WWOX: variants seen among roughly 807,000 people sequenced by gnomAD.
WWOX encodes the protein WW domain-containing oxidoreductase.
WWOX carries 69 observed loss-of-function variants against 46.2 expected under a neutral mutation model. The ratio of observed to expected loss-of-function variants is 1.49; its 90% CI spans 1.23 to 1.82. The LOEUF (loss-of-function observed/expected upper bound fraction) is 1.82. Among genes scored for constraint, WWOX ranks in the 40% most tolerant of loss-of-function variants. The pLI, the probability that WWOX is intolerant of heterozygous loss-of-function variation, is 0.00. For missense variants in WWOX, 919 were observed against 542.6 expected (o/e 1.69, Z -6.89); for synonymous variants, 359 against 202.6 (o/e 1.77, Z -6.56).
chr16:78,830,735 G>A (rs1487496648), intron 8 of WWOX, among the ~76,000 whole-genome samples: 1 of 151,648 alleles, frequency 6.6e-6, no homozygotes, highest in Non-Finnish European at 1.5e-5. Flanking sequence ...CAAGCAGGAC[G>A]GCATCAGCTT....
intron 5 of WWOX, among the ~76,000 whole-genome samples, chr16:78,211,653 C>G (rs980726906): frequency 2.6e-5 from 4 of 152,180 alleles, no homozygotes; most frequent in Non-Finnish European, 4.4e-5. Context: ...AATCAGTGTG[C>G]TAACTCTGTT....
At chr16:78,326,506 C>T (rs1044004796) in intron 5 of WWOX, among the ~76,000 whole-genome samples, 2 of 140,534 alleles carry the variant, frequency 1.4e-5, no homozygotes, top group Non-Finnish European at 3.0e-5. Flanking sequence ...GCCAGCATCA[C>T]TGTTACTTAC....
At chr16:78,507,293 C>G (rs983857002) in intron 8 of WWOX, among the ~76,000 whole-genome samples, 4 of 152,146 alleles carry the variant, frequency 2.6e-5, no homozygotes, top group African/African-American at 9.7e-5. Flanking sequence ...GATTGGACTT[C>G]ACATTCAAAA....
chr16:78,526,808 G>A (rs904694682), intron 8 of WWOX, among the ~76,000 whole-genome samples: 1 of 152,180 alleles, frequency 6.6e-6, no homozygotes, highest in African/African-American at 2.4e-5. Flanking sequence ...GGTTGAGGGT[G>A]GCAGTGATCT....
intron 5 of WWOX, among the ~76,000 whole-genome samples, chr16:78,238,421 TC>T (rs2037514693): frequency 6.6e-6 from 1 of 152,066 alleles, no homozygotes; most frequent in South Asian, 2.1e-4. Context: ...TGCTGTAGCC[TC>T]CCAAGTAGCT....
At chr16:78,405,883 G>A (rs930085068) in intron 6 of WWOX, among the ~76,000 whole-genome samples, 2 of 152,230 alleles carry the variant, frequency 1.3e-5, no homozygotes, top group Middle Eastern at 3.4e-3. Context: ...CACAGGTGAC[G>A]AAGTGAGTTT....
chr16:78,567,546 C>A (rs955748483), intron 8 of WWOX, among the ~76,000 whole-genome samples: 2 of 117,850 alleles, frequency 1.7e-5, no homozygotes, highest in African/African-American at 3.8e-5. Context: ...GAAGGAGACT[C>A]CGTCTCAAAA....
chr16:78,971,629 A>T (rs1219674950), intron 8 of WWOX, among the ~76,000 whole-genome samples: 1 of 152,014 alleles, frequency 6.6e-6, no homozygotes, highest in African/African-American at 2.4e-5. Context: ...GGTGGACCAA[A>T]TCTATTGTTA....
At chr16:79,155,035 A>G (rs1391990722) in intron 8 of WWOX, among the ~76,000 whole-genome samples, 2 of 152,230 alleles carry the variant, frequency 1.3e-5, no homozygotes, top group African/African-American at 2.4e-5. Flanking sequence ...ACCCAGACTT[A>G]GGGTTCTAGA....
chr16:78,593,367 C>G (rs1341847699), intron 8 of WWOX, among the ~76,000 whole-genome samples: 1 of 152,108 alleles, frequency 6.6e-6, no homozygotes, highest in Non-Finnish European at 1.5e-5. Context: ...ATTGTCCTAA[C>G]TGACAGTTTT....
chr16:78,787,195 C>T (rs535578469), intron 8 of WWOX, among the ~76,000 whole-genome samples: 2 of 152,210 alleles, frequency 1.3e-5, no homozygotes, highest in South Asian at 4.2e-4. Context: ...ACCACTTTGA[C>T]CATTTTAAAG....
chr16:78,171,885 G>T (rs961373824), intron 5 of WWOX, among the ~76,000 whole-genome samples: 5 of 152,176 alleles, frequency 3.3e-5, no homozygotes, highest in African/African-American at 9.7e-5. Flanking sequence ...TTTGCAAAAT[G>T]TCCTATTATT....
chr16:78,277,200 A>G (rs1412231998), intron 5 of WWOX, among the ~76,000 whole-genome samples: 1 of 152,158 alleles, frequency 6.6e-6, no homozygotes, highest in African/African-American at 2.4e-5. Context: ...AAGGGGAGGA[A>G]AAAAAGGGGG....
chr16:79,102,968 TC>T (rs1369355699), intron 8 of WWOX, among the ~76,000 whole-genome samples: 4 of 152,090 alleles, frequency 2.6e-5, no homozygotes, highest in Admixed American at 2.0e-4. Flanking sequence ...TTCTTCCTCA[TC>T]CTCCTTTTCC....
chr16:78,468,329 A>G (rs1163615557), intron 8 of WWOX, among the ~76,000 whole-genome samples: 1 of 145,640 alleles, frequency 6.9e-6, no homozygotes, highest in Admixed American at 7.0e-5. Flanking sequence ...GTGAGGCCCC[A>G]CCTGTGCAGC....
chr16:78,512,239 T>G (rs2085380290), intron 8 of WWOX, among the ~76,000 whole-genome samples: 1 of 152,230 alleles, frequency 6.6e-6, no homozygotes, highest in African/African-American at 2.4e-5. Flanking sequence ...CGATATTTAA[T>G]ATTATCAATT....
chr16:78,287,087 G>T (rs1486640826), intron 5 of WWOX, among the ~76,000 whole-genome samples: 1 of 152,140 alleles, frequency 6.6e-6, no homozygotes, highest in Non-Finnish European at 1.5e-5. Flanking sequence ...GCTTATGGTA[G>T]GTCTGACCTC....
chr16:78,831,211 A>C (rs1243046390), intron 8 of WWOX, among the ~76,000 whole-genome samples: 1 of 139,248 alleles, frequency 7.2e-6, no homozygotes, highest in Admixed American at 7.3e-5. Context: ...GTGACTTTCG[A>C]GGTCATGTTT....
chr16:78,770,871 C>A (rs562471595), intron 8 of WWOX, among the ~76,000 whole-genome samples: 2 of 152,302 alleles, frequency 1.3e-5, no homozygotes, highest in African/African-American at 4.8e-5. Context: ...CGGTTGGCAC[C>A]GATGCTAATC....
Sources: allele counts gnomAD v4.1 joint callset (sites outside exome capture counted in the v4.1 genomes callset), GRCh38; gene constraint gnomAD v4.1.1; transcripts MANE v1.5; gene names NCBI Gene and HGNC (gene_info 2026-07-23, HGNC 2026-07-21).